Variants in IL1RAPL2 observed in about 807,000 individuals in gnomAD.
IL1RAPL2 encodes interleukin 1 receptor accessory protein like 2.
IL1RAPL2 carries 3 observed loss-of-function variants against 44.1 expected under a neutral mutation model. That is an observed-to-expected ratio of 0.07 (90% CI 0.03 to 0.18). The LOEUF (loss-of-function observed/expected upper bound fraction) is 0.18. IL1RAPL2 is among the 10% of genes least tolerant of loss of function. IL1RAPL2 has a pLI of 1.00. For synonymous variants in IL1RAPL2, 181 were observed against 178.8 expected (o/e 1.01, Z -0.10); for missense variants, 391 against 496.4 (o/e 0.79, Z 2.02).
chrX:104,851,342 A>C (rs1195328670), intron 2 of IL1RAPL2, among the ~76,000 whole-genome samples: 1 of 112,265 alleles, frequency 8.9e-6, no homozygotes, highest in African/African-American at 3.2e-5. Context: ...ATTTACCAGA[A>C]AATAAATGTC....
chrX:105,404,691 C>A (rs1194059785), intron 5 of IL1RAPL2, among the ~76,000 whole-genome samples: 1 of 111,243 alleles, frequency 9.0e-6, no homozygotes, highest in African/African-American at 3.3e-5. Context: ...AGGAAAGGAT[C>A]CTGCAGGACC....
At chrX:104,651,597 A>G (rs1930154252) in intron 1 of IL1RAPL2, among the ~76,000 whole-genome samples, 2 of 111,837 alleles carry the variant, frequency 1.8e-5, no homozygotes, top group Admixed American at 9.5e-5. Flanking sequence ...TAGATAGAAT[A>G]GGTTTGCGGT....
intron 1 of IL1RAPL2, among the ~76,000 whole-genome samples, chrX:104,637,606 T>C (rs1331492615): frequency 1.8e-5 from 2 of 111,320 alleles, no homozygotes; most frequent in Admixed American, 9.6e-5. Context: ...TCATGTGCTA[T>C]ATCACCCTTA....
chrX:105,138,656 C>T (rs1773341414), intron 2 of IL1RAPL2, among the ~76,000 whole-genome samples: 1 of 111,032 alleles, frequency 9.0e-6, no homozygotes, highest in Non-Finnish European at 1.9e-5. Context: ...TGTTATGCCT[C>T]CCCATGTTCA....
At chrX:105,040,076 A>G (rs2031699770) in intron 2 of IL1RAPL2, among the ~76,000 whole-genome samples, 1 of 110,911 alleles carries the variant, frequency 9.0e-6, no homozygotes, top group African/African-American at 3.3e-5. Context: ...ATTTCTTGAG[A>G]GTTTTTAGCA....
intron 2 of IL1RAPL2, among the ~76,000 whole-genome samples, chrX:104,754,900 T>C (rs1477723859): frequency 9.0e-6 from 1 of 111,498 alleles, no homozygotes; most frequent in Non-Finnish European, 1.9e-5. Context: ...TATAACATGC[T>C]TGTTTCCCTT....
intron 6 of IL1RAPL2, among the ~76,000 whole-genome samples, chrX:105,694,346 T>A (rs2038060252): frequency 8.9e-6 from 1 of 111,894 alleles, no homozygotes; most frequent in Non-Finnish European, 1.9e-5. Flanking sequence ...ATAGGATGGA[T>A]GGTAAGGAAT....
chrX:104,767,284 T>G (rs1932574584), intron 2 of IL1RAPL2, among the ~76,000 whole-genome samples: 1 of 112,020 alleles, frequency 8.9e-6, no homozygotes, highest in South Asian at 3.7e-4. Context: ...ATGTTCTCAT[T>G]GCAATTTATT....
At chrX:104,985,792 C>T (rs1228908129) in intron 2 of IL1RAPL2, among the ~76,000 whole-genome samples, 1 of 112,016 alleles carries the variant, frequency 8.9e-6, no homozygotes, top group East Asian at 2.8e-4. Flanking sequence ...TTAATGAATG[C>T]CTTTGGAGCT....
chrX:104,728,495 C>G (rs1181278831), intron 2 of IL1RAPL2, among the ~76,000 whole-genome samples: 1 of 111,377 alleles, frequency 9.0e-6, no homozygotes, highest in Non-Finnish European at 1.9e-5. Context: ...AGCCCCAGTA[C>G]CTGTGTATTT....
At chrX:105,490,868 G>A (rs1203748253) in intron 6 of IL1RAPL2, among the ~76,000 whole-genome samples, 4 of 111,291 alleles carry the variant, frequency 3.6e-5, no homozygotes, top group African/African-American at 1.3e-4. Flanking sequence ...GCCAAAAGAG[G>A]GAAAAAGGAA....
chrX:105,044,899 A>G (rs2031816971), intron 2 of IL1RAPL2, among the ~76,000 whole-genome samples: 1 of 111,195 alleles, frequency 9.0e-6, no homozygotes, highest in African/African-American at 3.3e-5. Flanking sequence ...ATAGTCAACA[A>G]TGAACGTCCC....
chrX:104,782,969 TTAG>T (rs1458474818), intron 2 of IL1RAPL2, among the ~76,000 whole-genome samples: 6 of 111,857 alleles, frequency 5.4e-5, no homozygotes, highest in Non-Finnish European at 7.5e-5. Flanking sequence ...CTAGGAGTAG[TTAG>T]TAGTAGCTTT....
At chrX:105,720,927 A>G (rs772652889) in intron 7 of IL1RAPL2, among the ~76,000 whole-genome samples, 18 of 109,292 alleles carry the variant, frequency 1.6e-4, no homozygotes, top group Non-Finnish European at 2.9e-4. Flanking sequence ...GTACCTTTGT[A>G]CCATAAGAAT....
chrX:105,730,035 T>TAAAC (rs1158909563), intron 7 of IL1RAPL2, among the ~76,000 whole-genome samples: 2 of 110,935 alleles, frequency 1.8e-5, no homozygotes, highest in Admixed American at 1.9e-4. Context: ...ACCTTGAATG[T>TAAAC]AAACAAATTA....
intron 2 of IL1RAPL2, among the ~76,000 whole-genome samples, chrX:104,936,639 T>TTTTTTTG (rs1925034003): frequency 9.5e-6 from 1 of 105,750 alleles, no homozygotes; most frequent in African/African-American, 3.5e-5. Context: ...TTTTTTTTTT[T>TTTTTTTG]TGAGATGGAG....
At chrX:105,451,990 TA>T (rs1377698922) in intron 5 of IL1RAPL2, among the ~76,000 whole-genome samples, 1 of 111,324 alleles carries the variant, frequency 9.0e-6, no homozygotes, top group African/African-American at 3.3e-5. Context: ...TCACGTGGCC[TA>T]AAAAACCCTC....
chrX:105,365,887 G>A (rs745707268), intron 5 of IL1RAPL2, among the ~76,000 whole-genome samples: 18 of 108,790 alleles, frequency 1.7e-4, no homozygotes, highest in African/African-American at 5.0e-4. Flanking sequence ...AGCGATTCTC[G>A]TGCTTCAGCC....
intron 2 of IL1RAPL2, among the ~76,000 whole-genome samples, chrX:105,172,661 C>G: frequency 8.9e-6 from 1 of 111,865 alleles, no homozygotes; most frequent in Non-Finnish European, 1.9e-5. Context: ...TTCTGCAACT[C>G]GAGAAAGCTT....
Sources: allele counts gnomAD v4.1 joint callset (sites outside exome capture counted in the v4.1 genomes callset), GRCh38; gene constraint gnomAD v4.1.1; transcripts MANE v1.5; gene names NCBI Gene and HGNC (gene_info 2026-07-23, HGNC 2026-07-21).